The following RET variants were observed in gnomAD, a reference collection of about 807,000 sequenced individuals.
RET encodes ret proto-oncogene, also known as proto-oncogene tyrosine-protein kinase receptor Ret.
Under a neutral mutation model 118.3 loss-of-function variants are expected in RET, and 19 were observed. The ratio of observed to expected loss-of-function variants is 0.16; its 90% confidence interval spans 0.11 to 0.24. RET has a LOEUF of 0.24. RET is among the 10% of genes least tolerant of loss of function. RET has a pLI of 1.00. For synonymous variants in RET, 597 were observed against 644.1 expected (o/e 0.93, Z 1.11); for missense variants, 1,219 against 1,502.1 (o/e 0.81, Z 3.12).
intron 1 of RET, among the ~76,000 whole-genome samples, chr10:43,097,854 C>T (rs372839942): frequency 4.6e-5 from 7 of 151,906 alleles, no homozygotes; most frequent in Admixed American, 3.9e-4. Context: ...TGCTGCAGGC[C>T]CCGCCCTCCA....
intron 3 of RET, 75 bp from the exon 4 acceptor site, chr10:43,104,875 AGC>A: frequency 6.6e-7 from 1 of 1,511,114 alleles, no homozygotes; most frequent in Non-Finnish European, 8.8e-7. Flanking sequence ...CTGACCGCAG[AGC>A]CCCCTTCCCG....
rs1422565259 is a variant in RET at position 43,114,325 on chromosome 10, T to C, written c.1880-155T>C. On this transcript the variant is annotated intron_variant, in intron 10 of 19. Coordinates refer to ENST00000355710, the MANE Select transcript of RET (RefSeq NM_020975.6). The surrounding 1 kb of genome is among the most constrained non-coding windows in gnomAD (Gnocchi z 4.6). ...AGTAAATGGCAGTACCCATGCTCGATGGGGTGTTCTCAGGCCTTCCCACAC... is the reference window on the plus strand; with the variant it reads ...AGTAAATGGCAGTACCCATGCTCGACGGGGTGTTCTCAGGCCTTCCCACAC... 1.3e-5 allele frequency among the ~76,000 whole-genome samples: 2 copies of C among 152,092 alleles called. No homozygotes were observed. The highest frequency in any genetic ancestry group is 1.3e-4 in the Admixed American group (2 of 15,280).
intron 1 of RET, among the ~76,000 whole-genome samples, chr10:43,080,106 ACT>A (rs2132518830): frequency 6.6e-6 from 1 of 152,302 alleles, no homozygotes; most frequent in African/African-American, 2.4e-5. Flanking sequence ...TGAGGAAATC[ACT>A]GTTTCCTTGG....
chr10:43,116,778 C>G (rs760466), intron 12 of RET, 47 bp downstream of exon 12: 351 of 1,434,326 alleles, frequency 2.4e-4, no homozygotes, highest in South Asian at 3.5e-4. Flanking sequence ...GTCTCCGGGG[C>G]GGGGGGCGGG....
Position 43,119,448 on chromosome 10 carries a change from AC to A in RET, c.2393-80del, listed in dbSNP as rs1465094857. 6.7e-6 allele frequency: 8 copies of A among 1,188,006 alleles called. No individual in the cohort carries two copies. The African/African-American group carries it at 1.2e-4, about 18-fold the overall frequency. 73.6% of individuals were successfully genotyped at this position (1,188,006 alleles called of 1,614,324 possible). On this transcript the variant is annotated intron_variant, in intron 13 of 19. Transcript: ENST00000355710. ...ACTCATTGGGTGGCCGGGCCTGGGG[AC>A]CCTGCGGCCTCCCACCCCTGGCTCC...
chr10:43,095,316 G>A (rs528630184), intron 1 of RET, among the ~76,000 whole-genome samples: 5 of 152,196 alleles, frequency 3.3e-5, no homozygotes, highest in South Asian at 4.1e-4. Flanking sequence ...TGGACTGCCC[G>A]GGCAGCAGGA....
intron 6 of RET, among the ~76,000 whole-genome samples, 197 bp from the exon 7 acceptor site, chr10:43,111,010 C>T (rs1039013444): frequency 2.6e-5 from 4 of 151,318 alleles, no homozygotes; most frequent in African/African-American, 7.3e-5. Flanking sequence ...CTGAGTGGAA[C>T]GGGGCAGGGC....
chr10:43,106,157 G>A lies in RET; in HGVS notation c.868-219G>A, dbSNP rs1437698120. Among the ~76,000 whole-genome samples, 1 of 152,236 alleles carries A rather than the reference G, an allele frequency of 6.6e-6. No individual in the cohort carries two copies. The highest frequency in any genetic ancestry group is 2.4e-5 in the African/African-American group (1 of 41,462). ...AGGTCTGCATTGTACCTGTTACACA[G>A]GCGAGGCTCAGTGGCTCAGGGAAGG... On this transcript the variant is annotated intron_variant, in intron 4 of 19. Transcript: ENST00000355710. This position sits in a 1 kb window ranked among gnomAD's most constrained non-coding sequence, Gnocchi z 5.1.
rs1048472818 is a variant in RET at position 43,104,905 on chromosome 10, G to A, written c.626-47G>A. 8.4e-6 allele frequency: 13 copies of A among 1,539,430 alleles called. No individual in the cohort carries two copies. The African/African-American group carries it at 1.1e-4, about 13-fold the overall frequency. ...CCTTCCCGAGGAAAGCGGCTGGCCC[G>A]GTCCCGGCTGGTGATCACGCGGGGC... On this transcript the variant is annotated intron_variant, in intron 3 of 19. Transcript: ENST00000355710.
intron 1 of RET, among the ~76,000 whole-genome samples, chr10:43,098,399 A>G (rs1052343052): frequency 1.3e-5 from 2 of 149,008 alleles, no homozygotes; most frequent in African/African-American, 4.9e-5. Flanking sequence ...TCAGTGTTAT[A>G]GCCTGTGTCA....
At chr10:43,082,691 C>G (rs1480769304) in intron 1 of RET, among the ~76,000 whole-genome samples, 2 of 152,226 alleles carry the variant, frequency 1.3e-5, no homozygotes, top group Non-Finnish European at 1.5e-5. Context: ...AGGGCAGGAG[C>G]AGGACAGTGG....
At chr10:43,101,126 TATC>T (rs920331360) in intron 2 of RET, among the ~76,000 whole-genome samples, 97 of 152,252 alleles carry the variant, frequency 6.4e-4, no homozygotes, top group African/African-American at 2.2e-3. Flanking sequence ...CCTGACTTCT[TATC>T]AGCAGCTGGC....
chr10:43,111,083 G>A (rs970619031), intron 6 of RET, 124 bp from the exon 7 acceptor site: 11 of 1,381,786 alleles, frequency 8.0e-6, no homozygotes, highest in South Asian at 2.4e-5. Flanking sequence ...TGCTCGGGGG[G>A]GCTGCTGTCT....
intron 7 of RET, 143 bp downstream of exon 7, chr10:43,111,608 C>A (rs2132782336): frequency 1.1e-6 from 1 of 931,388 alleles, no homozygotes; most frequent in Non-Finnish European, 1.6e-6. Flanking sequence ...CCTGAGTGAC[C>A]CAGCAGTAAA....
intron 3 of RET, 144 bp downstream of exon 3, chr10:43,102,773 C>T (rs1837671208): frequency 8.1e-6 from 8 of 987,168 alleles, no homozygotes; most frequent in South Asian, 1.4e-5. Context: ...TCTTGCATGC[C>T]TGCCAGGGGC....
intron 1 of RET, among the ~76,000 whole-genome samples, chr10:43,095,992 G>T (rs934083940): frequency 6.6e-6 from 1 of 152,168 alleles, no homozygotes; most frequent in Admixed American, 6.5e-5. Context: ...TTGCACCGTC[G>T]GTGGGTGTGG....
At chr10:43,099,610 G>A (rs184022521) in intron 1 of RET, among the ~76,000 whole-genome samples, 137 of 152,016 alleles carry the variant, frequency 9.0e-4, no homozygotes, top group Non-Finnish European at 1.5e-3. Context: ...ACTGACAAAC[G>A]AATATGCCCA....
rs1016052828 is a variant in RET at position 43,114,225 on chromosome 10, A to G, written c.1880-255A>G. 1.3e-5 allele frequency among the ~76,000 whole-genome samples: 2 copies of G among 152,020 alleles called. No homozygotes were observed. The highest frequency in any genetic ancestry group is 2.9e-5 in the Non-Finnish European group (2 of 67,964). ...TAATGAGCACAGCCTCTGCTGTGTG[A>G]CCTTGGCAGGCTGCTCAGCCTCTCT... is the stretch of plus-strand genomic sequence containing the variant. On this transcript the variant is annotated intron_variant, in intron 10 of 19. Transcript: ENST00000355710. The surrounding 1 kb of genome is among the most constrained non-coding windows in gnomAD (Gnocchi z 4.6).
In RET at chr10:43,116,748, G is replaced by A. The variant is rs1230365757; in HGVS notation, c.2284+17G>A. The A allele has an allele frequency of 6.5e-7, 1 of 1,532,748 alleles. No homozygotes were observed. The highest frequency in any genetic ancestry group is 2.3e-5 in the East Asian group (1 of 42,858). The allele number at this position is 1,532,748 out of a possible 1,614,324, so 94.9% of individuals were successfully genotyped here. On this transcript the variant is annotated intron_variant, in intron 12 of 19. Coordinates refer to ENST00000355710, the MANE Select transcript of RET (RefSeq NM_020975.6). ...TGCTGAAAGGTACCTGCCAGGCACAGGCACAGTGCCCCTGGGGGAGTCTCC... is the reference window on the plus strand; with the variant it reads ...TGCTGAAAGGTACCTGCCAGGCACAAGCACAGTGCCCCTGGGGGAGTCTCC...
Sources: allele counts gnomAD v4.1 joint callset (sites outside exome capture counted in the v4.1 genomes callset), GRCh38; gene constraint gnomAD v4.1.1; non-coding constraint Gnocchi (gnomAD v3.1); transcripts MANE v1.5; gene names NCBI Gene and HGNC (gene_info 2026-07-23, HGNC 2026-07-21).